The following EFHB variants were observed in gnomAD, a reference collection of about 807,000 sequenced individuals.
EFHB encodes the protein EF-hand domain family member B.
In EFHB, 91 loss-of-function variants were observed where a neutral mutation model predicts 87.2. The ratio of observed to expected loss-of-function variants is 1.04; its 90% confidence interval spans 0.88 to 1.24. EFHB has a LOEUF of 1.24. EFHB is among the 50% of genes most tolerant of loss of function. EFHB has a pLI of 0.00. For missense variants in EFHB, 1,084 were observed against 998.8 expected (o/e 1.09, Z -1.15); for synonymous variants, 325 against 333.6 (o/e 0.97, Z 0.28).
intron 5 of EFHB, among the ~76,000 whole-genome samples, chr3:19,909,547 A>C (rs941635880): frequency 1.3e-5 from 2 of 152,112 alleles, no homozygotes; most frequent in Non-Finnish European, 2.9e-5. Context: ...GAGACAGTGG[A>C]CTGGGGGTGG....
At chr3:19,912,211 G>C (rs1175281902) in intron 5 of EFHB, among the ~76,000 whole-genome samples, 1 of 152,104 alleles carries the variant, frequency 6.6e-6, no homozygotes, top group Non-Finnish European at 1.5e-5. Context: ...TGAGAGAAAA[G>C]AAACAACATA....
chr3:19,910,666 C>T lies in EFHB; in HGVS notation c.1288+4637G>A, dbSNP rs1695022366. Among the ~76,000 whole-genome samples the T allele has an allele frequency of 2.0e-5, 3 of 152,198 alleles. No individual in the cohort carries two copies. In the South Asian group the frequency reaches 6.2e-4, roughly 32 times the overall value. ...TGGGTGAGACCAAATGCTACACTAG[C>T]TTCAAGTCTGATCCAATACAGTCAG... On this transcript the variant is annotated intron_variant, in intron 5 of 12. Transcript: ENST00000295824.
intron 9 of EFHB, among the ~76,000 whole-genome samples, chr3:19,896,202 T>A (rs906070830): frequency 3.3e-5 from 5 of 152,124 alleles, no homozygotes; most frequent in Non-Finnish European, 5.9e-5. Context: ...AGTTTAATAA[T>A]CCATAACAGT....
At chr3:19,890,319 A>G (rs924901026) in intron 9 of EFHB, among the ~76,000 whole-genome samples, 25 of 152,302 alleles carry the variant, frequency 1.6e-4, no homozygotes, top group African/African-American at 5.8e-4. Context: ...AAAGATGATT[A>G]GAAGTAGGAC....
intron 5 of EFHB, among the ~76,000 whole-genome samples, chr3:19,908,338 G>A (rs1346457938): frequency 6.6e-6 from 1 of 151,998 alleles, no homozygotes; most frequent in Non-Finnish European, 1.5e-5. Flanking sequence ...TTCGAGACCA[G>A]CCTGACCAAC....
intron 9 of EFHB, chr3:19,896,457 A>G: frequency 3.3e-6 from 2 of 610,366 alleles, no homozygotes; most frequent in South Asian, 3.6e-5. Flanking sequence ...TTTGAAGGCC[A>G]TACAGTTTTT....
Position 19,933,956 on chromosome 3 carries a change from G to C in EFHB, c.63C>G (p.Ile21Met), listed in dbSNP as rs772283714. The part of the protein sequence containing the change: ...GKDDLGDKRV[I>M]MGTKFPMELG... ...ACTCCATGGGAAATTTTGTTCCCAT[G>C]ATGACCCTCTTGTCTCCTAAATCAT... Residue 21 changes from isoleucine (I) to methionine (M), a missense_variant, in exon 1 of 13, where the codon ATC becomes ATG. Ile to Met is a conservative substitution (Grantham distance 10, BLOSUM62 1). Coordinates refer to ENST00000295824, the MANE Select transcript of EFHB (RefSeq NM_144715.4). The C allele has an allele frequency of 3.7e-6, 6 of 1,613,492 alleles. 1 individual carries two copies. The South Asian group carries it at 4.4e-5, about 12-fold the overall frequency.
intron 1 of EFHB, among the ~76,000 whole-genome samples, chr3:19,932,648 G>A (rs1485373351): frequency 6.6e-6 from 1 of 152,186 alleles, no homozygotes; most frequent in African/African-American, 2.4e-5. Flanking sequence ...ACTGAGCTCT[G>A]TATTCAGAGT....
chr3:19,882,542 T>C lies in EFHB; in HGVS notation c.2328+8A>G, dbSNP rs1348870615. 28 of 1,578,206 alleles carry C rather than the reference T, an allele frequency of 1.8e-5. No homozygotes were observed. The highest frequency in any genetic ancestry group is 2.4e-5 in the Non-Finnish European group (28 of 1,158,830). On this transcript the variant is annotated splice_region_variant and intron_variant, in intron 12 of 12. Transcript: ENST00000295824. ...ACATTTCCATTTTTGTATGCTTATA[T>C]GCTATACCTCTTCTTTTGATCTGGT... is the stretch of plus-strand genomic sequence containing the variant.
chr3:19,884,339 A>G, intron 11 of EFHB, 64 bp downstream of exon 11: 1 of 1,444,782 alleles, frequency 6.9e-7, no homozygotes, highest in Non-Finnish European at 9.5e-7. Flanking sequence ...GGCAGGGGAC[A>G]ATGCAAGGAC....
chr3:19,933,034 C>T (rs1695881491), intron 1 of EFHB, among the ~76,000 whole-genome samples, 196 bp downstream of exon 1: 1 of 152,262 alleles, frequency 6.6e-6, no homozygotes, highest in Admixed American at 6.5e-5. Flanking sequence ...ACAAAGCTGA[C>T]ATCTAGGAAG....
At chr3:19,900,360 C>T (rs184920404) in intron 6 of EFHB, among the ~76,000 whole-genome samples, 12 of 151,960 alleles carry the variant, frequency 7.9e-5, no homozygotes, top group Non-Finnish European at 1.6e-4. Flanking sequence ...ATTTATAATA[C>T]TCTCTAGTAA....
At chr3:19,892,535 G>A (rs1446796577) in intron 9 of EFHB, among the ~76,000 whole-genome samples, 3 of 152,184 alleles carry the variant, frequency 2.0e-5, no homozygotes, top group East Asian at 1.9e-4. Flanking sequence ...CAGCAATCCC[G>A]GGCCAGTAGG....
chr3:19,941,035 C>A, intron 1 of EFHB: 1 of 332,970 alleles, frequency 3.0e-6, no homozygotes, highest in Non-Finnish European at 5.7e-6. Flanking sequence ...AGATTTGTTG[C>A]CAGACAGAAT....
At position 19,901,572 on chromosome 3, in the gene EFHB, C is replaced by CG. The variant is rs961398074; in HGVS notation, c.1419-2058dup. Among the ~76,000 whole-genome samples the CG allele has an allele frequency of 9.2e-5, 14 of 152,064 alleles. No homozygotes were observed. The East Asian group carries it at 9.7e-4, about 10-fold the overall frequency. On this transcript the variant is annotated intron_variant, in intron 6 of 12. Transcript: ENST00000295824. ...TCTTCATTTCCTTCCCATTTGTTGGCGGGGGGGAAGAATGTAGGTGGAGTC... is the reference window on the plus strand; with the variant it reads ...TCTTCATTTCCTTCCCATTTGTTGGCGGGGGGGGAAGAATGTAGGTGGAGTC...
At chr3:19,916,448 G>A (rs1291797898) in intron 4 of EFHB, among the ~76,000 whole-genome samples, 6 of 151,906 alleles carry the variant, frequency 3.9e-5, no homozygotes, top group Admixed American at 2.0e-4. Context: ...CTGGGAGGCA[G>A]AGGTTGCAGG....
chr3:19,931,830 C>T (rs1695841337), intron 1 of EFHB, among the ~76,000 whole-genome samples: 1 of 152,184 alleles, frequency 6.6e-6, no homozygotes, highest in Non-Finnish European at 1.5e-5. Context: ...AAACAATGAA[C>T]AAGATATAGT....
At chr3:19,904,065 A>G (rs986102211) in intron 6 of EFHB, among the ~76,000 whole-genome samples, 6 of 152,212 alleles carry the variant, frequency 3.9e-5, no homozygotes, top group African/African-American at 1.4e-4. Context: ...AATAGGCAAG[A>G]GTGAGGCAGG....
At chr3:19,879,989 T>G (rs2071633875) in intron 12 of EFHB, among the ~76,000 whole-genome samples, 185 bp from the exon 13 acceptor site, 1 of 152,138 alleles carries the variant, frequency 6.6e-6, no homozygotes, top group Admixed American at 6.6e-5. Context: ...ATATCAAAAT[T>G]CTAATACTGT....
Sources: gnomAD v4.1 joint callset for allele counts (sites outside exome capture counted in the v4.1 genomes callset) on GRCh38, gnomAD v4.1.1 for gene constraint, MANE v1.5 for transcripts, NCBI Gene and HGNC (gene_info 2026-07-23, HGNC 2026-07-21) for gene names.